MAPK10: variants seen among roughly 807,000 people sequenced by gnomAD.
MAPK10 encodes the protein mitogen-activated protein kinase 10, also known as JNK3 alpha protein kinase.
A neutral mutation model predicts 59.3 loss-of-function variants in MAPK10; 25 were observed. That is an observed-to-expected ratio of 0.42 (90% CI 0.31 to 0.59). The LOEUF is 0.59. MAPK10 is among the 20% of genes least tolerant of loss of function. The pLI is 0.15. For synonymous variants in MAPK10, 190 were observed against 200.5 expected, an observed-to-expected ratio of 0.95 and a Z score of 0.44; for missense variants, 351 against 568.9, an observed-to-expected ratio of 0.62 and a Z score of 3.90.
intron 1 of MAPK10, among the ~76,000 whole-genome samples, chr4:86,570,192 A>C (rs1444196756): frequency 6.6e-6 from 1 of 152,220 alleles, no homozygotes; most frequent in Non-Finnish European, 1.5e-5. Context: ...CCCATAACTC[A>C]AAATATGGTA....
chr4:86,366,292 T>C (rs1737887407), intron 1 of MAPK10, among the ~76,000 whole-genome samples: 1 of 152,138 alleles, frequency 6.6e-6, no homozygotes, highest in Non-Finnish European at 1.5e-5. Flanking sequence ...ATTTCTATAG[T>C]GATGAGAAGG....
At chr4:86,220,054 G>A (rs2089072028) in intron 2 of MAPK10, 1 of 152,230 alleles carries the variant, frequency 6.6e-6, no homozygotes, top group Non-Finnish European at 1.5e-5. Flanking sequence ...AGTAAGTTAT[G>A]ATACATTGAG....
intron 9 of MAPK10, chr4:86,082,054 G>C (rs1368633676): frequency 6.6e-6 from 1 of 152,082 alleles, no homozygotes; most frequent in Non-Finnish European, 1.5e-5. Flanking sequence ...TAAAAAGTGA[G>C]TCACAAGATA....
chr4:86,469,917 A>G (rs947893780), intron 1 of MAPK10, among the ~76,000 whole-genome samples: 3 of 152,234 alleles, frequency 2.0e-5, no homozygotes, highest in African/African-American at 7.2e-5. Context: ...TAGGGCAATG[A>G]GGCTTTTTCT....
At chr4:86,522,580 C>A (rs901667785) in intron 1 of MAPK10, among the ~76,000 whole-genome samples, 2 of 151,872 alleles carry the variant, frequency 1.3e-5, no homozygotes, top group South Asian at 2.1e-4. Flanking sequence ...AAAAAAAATT[C>A]TCCTGTTTTG....
At chr4:86,325,582 G>A (rs928398132) in intron 2 of MAPK10, among the ~76,000 whole-genome samples, 2 of 152,048 alleles carry the variant, frequency 1.3e-5, no homozygotes, top group African/African-American at 4.8e-5. Flanking sequence ...TTAGACCTAA[G>A]AATTAATAGA....
chr4:86,093,113 C>A (rs563955965), intron 9 of MAPK10, among the ~76,000 whole-genome samples: 1 of 151,848 alleles, frequency 6.6e-6, no homozygotes, highest in East Asian at 1.9e-4. Context: ...CAATGTAAGC[C>A]CTGGAAGTTA....
At chr4:86,146,475 T>G (rs1198773599) in intron 4 of MAPK10, among the ~76,000 whole-genome samples, 2 of 152,176 alleles carry the variant, frequency 1.3e-5, no homozygotes, top group African/African-American at 4.8e-5. Context: ...TTCCTTTTCT[T>G]GGGCACACAG....
chr4:86,489,432 GT>G, intron 1 of MAPK10, among the ~76,000 whole-genome samples: 1 of 152,050 alleles, frequency 6.6e-6, no homozygotes. Context: ...TGTTTCATAT[GT>G]TTTGGGACCT....
At chr4:86,294,518 T>G (rs1212941054) in intron 2 of MAPK10, among the ~76,000 whole-genome samples, 3 of 150,676 alleles carry the variant, frequency 2.0e-5, no homozygotes, top group African/African-American at 7.4e-5. Context: ...AGAATTGCCC[T>G]CCTACTGTGA....
At position 86,169,134 on chromosome 4, in the gene MAPK10, G is replaced by A. The variant is rs553880317; in HGVS notation, c.67-9667C>T. ...GGGGAAAAAACAGAACAGAAAAACC[G>A]GAAACTCTAAAAAGCAGAGCGACTC... On this transcript the variant is annotated intron_variant, in intron 3 of 13. Coordinates refer to ENST00000641462, the MANE Select transcript of MAPK10 (RefSeq NM_138982.4). Among the ~76,000 whole-genome samples the A allele has an allele frequency of 6.6e-4, 101 of 152,184 alleles. 2 individuals are homozygous for A. The South Asian group carries it at 0.018, about 28-fold the overall frequency.
At chr4:86,425,461 T>C (rs1747149392) in intron 1 of MAPK10, among the ~76,000 whole-genome samples, 1 of 152,200 alleles carries the variant, frequency 6.6e-6, no homozygotes, top group Non-Finnish European at 1.5e-5. Context: ...GCTTTAATAT[T>C]TTCACTAGAC....
intron 1 of MAPK10, among the ~76,000 whole-genome samples, chr4:86,413,680 G>A (rs1165310707): frequency 1.3e-5 from 2 of 152,182 alleles, no homozygotes; most frequent in African/African-American, 4.8e-5. Context: ...AGACTGCTGC[G>A]CTAGCAGTGA....
intron 1 of MAPK10, among the ~76,000 whole-genome samples, chr4:86,421,469 C>T (rs1746530868): frequency 6.6e-6 from 1 of 152,092 alleles, no homozygotes; most frequent in Non-Finnish European, 1.5e-5. Context: ...AGCAGCGCCC[C>T]CTTGCACACT....
chr4:86,222,875 A>G (rs186727520), intron 2 of MAPK10, among the ~76,000 whole-genome samples: 581 of 152,342 alleles, frequency 3.8e-3, no homozygotes, highest in Non-Finnish European at 6.1e-3. Flanking sequence ...TCCTCTAAGG[A>G]GAGTCAGTTC....
chr4:86,542,159 A>G (rs1758757669), intron 1 of MAPK10, among the ~76,000 whole-genome samples: 1 of 152,188 alleles, frequency 6.6e-6, no homozygotes, highest in Non-Finnish European at 1.5e-5. Context: ...CATAATGTCC[A>G]GAAAAATAAC....
chr4:86,581,836 A>T (rs1258191808), intron 1 of MAPK10, among the ~76,000 whole-genome samples: 1 of 144,134 alleles, frequency 6.9e-6, no homozygotes, highest in Non-Finnish European at 1.5e-5. Flanking sequence ...GTATGTTCTT[A>T]TGTGTTATTT....
At chr4:86,247,628 A>G (rs1168307621) in intron 2 of MAPK10, among the ~76,000 whole-genome samples, 1 of 145,488 alleles carries the variant, frequency 6.9e-6, no homozygotes, top group African/African-American at 2.8e-5. Context: ...GTGCTATAAT[A>G]GATAAACACT....
chr4:86,174,236 T>C (rs1250408209), intron 3 of MAPK10, among the ~76,000 whole-genome samples: 1 of 152,192 alleles, frequency 6.6e-6, no homozygotes, highest in Non-Finnish European at 1.5e-5. Flanking sequence ...CCATTAATAA[T>C]AGACTGGATA....
Sources: gnomAD v4.1 joint callset for allele counts (sites outside exome capture counted in the v4.1 genomes callset) on GRCh38, gnomAD v4.1.1 for gene constraint, MANE v1.5 for transcripts, NCBI Gene and HGNC (gene_info 2026-07-23, HGNC 2026-07-21) for gene names.